Variants in UGT2A2 observed in about 807,000 individuals in gnomAD.
The protein encoded by UGT2A2 is UDP glucuronosyltransferase family 2 member A2.
In UGT2A2, 60 loss-of-function variants were observed where a neutral mutation model predicts 50.7. The observed-to-expected ratio is 1.18, with a 90% CI of 0.96 to 1.47. UGT2A2 has a LOEUF of 1.47. Among genes scored for constraint, UGT2A2 ranks in the 40% most tolerant of loss-of-function variants. UGT2A2 has a pLI of 0.00. For synonymous variants in UGT2A2, 242 were observed against 214.6 expected (o/e 1.13, Z -1.11); for missense variants, 762 against 634.0 (o/e 1.20, Z -2.17).
In UGT2A2 at chr4:69,589,502, T is replaced by C. The variant is rs1189386850; in HGVS notation, c.1481A>G (p.Gln494Arg). Residue 494 changes from glutamine to arginine, a missense_variant, in exon 6 of 6, where the codon CAG becomes CGG. Coordinates refer to ENST00000604629, the MANE Select transcript of UGT2A2 (RefSeq NM_001105677.2). ...CCCAATTACATCCAAAGAGTGGTACTGGAACCAGGTGAGGTCATGGGCTGC... is the reference window on the plus strand; with the variant it reads ...CCCAATTACATCCAAAGAGTGGTACCGGAACCAGGTGAGGTCATGGGCTGC... ...RVAAHDLTWFQYHSLDVIGFL... is the reference protein window; with the variant it reads ...RVAAHDLTWFRYHSLDVIGFL... 6.2e-7 allele frequency: 1 copy of C among 1,614,124 alleles called. No individual in the cohort carries two copies. The highest frequency in any genetic ancestry group is 1.1e-5 in the South Asian group (1 of 91,082).
intron 1 of UGT2A2, among the ~76,000 whole-genome samples, chr4:69,615,741 C>CA (rs1003509536): frequency 6.6e-5 from 10 of 151,768 alleles, no homozygotes; most frequent in South Asian, 4.2e-4. Flanking sequence ...AACAGACAGA[C>CA]AAAAAAACAG....
intron 1 of UGT2A2, among the ~76,000 whole-genome samples, chr4:69,606,500 T>C (rs78556581): frequency 0.18 from 24,306 of 135,404 alleles, 5,738 homozygotes; most frequent in Non-Finnish European, 0.22. Context: ...GTATTCCCTT[T>C]GAAAACTGGC....
chr4:69,597,633 C>A (rs1719009361), intron 2 of UGT2A2, among the ~76,000 whole-genome samples: 1 of 152,166 alleles, frequency 6.6e-6, no homozygotes, highest in South Asian at 2.1e-4. Context: ...TAGTTAATGT[C>A]AGGAGAATAT....
At chr4:69,616,763 C>T (rs990982853) in intron 1 of UGT2A2, among the ~76,000 whole-genome samples, 7 of 151,154 alleles carry the variant, frequency 4.6e-5, no homozygotes, top group African/African-American at 1.7e-4. Context: ...TTAGTTGGAA[C>T]TGTAGCTTCT....
At chr4:69,635,301 G>A (rs182619443) in intron 1 of UGT2A2, among the ~76,000 whole-genome samples, 48 of 152,158 alleles carry the variant, frequency 3.2e-4, no homozygotes, top group Admixed American at 1.0e-3. Flanking sequence ...TTATTACTGG[G>A]CTTTCTGCTC....
chr4:69,594,012 T>C (rs1190005853), intron 5 of UGT2A2, among the ~76,000 whole-genome samples: 2 of 150,920 alleles, frequency 1.3e-5, no homozygotes, highest in Non-Finnish European at 3.0e-5. Context: ...TCTTGCTCTT[T>C]TGCCCAGGCT....
rs533446542 is a variant in UGT2A2, at chr4:69,634,275, C to G, written c.742+4624G>C. Reference sequence around the variant, plus strand: ...TCAAACAAAACAAAACAAAACAAAACAACAACAACAACAAAAACCCACAAC... The same window carrying G: ...TCAAACAAAACAAAACAAAACAAAAGAACAACAACAACAAAAACCCACAAC... On this transcript the variant is annotated intron_variant, in intron 1 of 5. Transcript: ENST00000604629. 3.4e-5 allele frequency among the ~76,000 whole-genome samples: 5 copies of G among 148,898 alleles called. No individual in the cohort carries two copies. The South Asian group carries it at 8.5e-4, about 25-fold the overall frequency.
chr4:69,639,292 A>G lies in UGT2A2; in HGVS notation c.349T>C (p.Tyr117His), dbSNP rs758639661. ...RPTPLTIWAFYKELGKLLDTF... is the reference protein window; with the variant it reads ...RPTPLTIWAFHKELGKLLDTF... ...TCTAGAAGTTTTCCTAGTTCTTTGT[A>G]GAAAGCCCATATTGTGAGAGGAGTT... is the stretch of plus-strand genomic sequence containing the variant. The change falls in exon 1 of 6, where the codon TAC becomes CAC. Residue 117 changes from tyrosine to histidine, a missense_variant. Coordinates refer to ENST00000604629, the MANE Select transcript of UGT2A2 (RefSeq NM_001105677.2). 5.6e-6 allele frequency: 9 copies of G among 1,613,638 alleles called. No individual in the cohort carries two copies. The African/African-American group carries it at 1.1e-4, about 19-fold the overall frequency.
chr4:69,594,530 T>C lies in UGT2A2; in HGVS notation c.1278A>G (p.Thr426=). 1.2e-6 allele frequency: 2 copies of C among 1,614,188 alleles called. No individual in the cohort carries two copies. The highest frequency in any genetic ancestry group is 2.2e-5 in the East Asian group (1 of 44,876). The change falls in exon 5 of 6, where the codon ACA becomes ACG. Residue 426 remains threonine, a synonymous_variant. Transcript: ENST00000604629. The part of the protein sequence containing the change: ...KGAAVEVNLN[T]MTSVDLLSAL... ...CGCTAAGCAAATCCACACTTGTCATTGTGTTTAGGTTCACTTCCACAGCTG... is the reference window on the plus strand; with the variant it reads ...CGCTAAGCAAATCCACACTTGTCATCGTGTTTAGGTTCACTTCCACAGCTG...
chr4:69,609,659 T>G (rs1385914396), intron 1 of UGT2A2, among the ~76,000 whole-genome samples: 1 of 149,590 alleles, frequency 6.7e-6, no homozygotes, highest in Non-Finnish European at 1.5e-5. Context: ...TATTTATACC[T>G]ATACATATTT....
intron 1 of UGT2A2, 58 bp from the exon 2 acceptor site, chr4:69,599,452 A>G: frequency 1.3e-6 from 2 of 1,571,726 alleles, no homozygotes; most frequent in South Asian, 1.2e-5. Flanking sequence ...TGCTGAGGAG[A>G]AAAAAAAGCT....
chr4:69,630,317 C>T (rs191017774), intron 1 of UGT2A2, among the ~76,000 whole-genome samples: 64 of 152,144 alleles, frequency 4.2e-4, no homozygotes, highest in African/African-American at 1.5e-3. Flanking sequence ...CCATTTCCTT[C>T]TTCCCAGATG....
rs1416378380 is a variant in UGT2A2, at chr4:69,614,163, G to T, written c.743-14769C>A. Among the ~76,000 whole-genome samples, 5 of 151,766 alleles carry T rather than the reference G, an allele frequency of 3.3e-5. No homozygotes were observed. In the East Asian group the frequency reaches 9.6e-4, roughly 29 times the overall value. On this transcript the variant is annotated intron_variant, in intron 1 of 5. Coordinates refer to ENST00000604629, the MANE Select transcript of UGT2A2 (RefSeq NM_001105677.2). ...CAAAATCAACATACAAATATCAGTG[G>T]CATTTCTATATGCCAACAGTGAACC...
In UGT2A2 at chr4:69,599,282, T is replaced by G. The variant is rs2109889803; in HGVS notation, c.855A>C (p.Gly285=). ...RPYLPNFEFV[G]GLHCKPAKPL... Reference sequence around the variant, plus strand: ...GTTTGGCAGGTTTGCAGTGCAATCCTCCAACAAACTCAAAATTAGGTAAGT... The same window carrying G: ...GTTTGGCAGGTTTGCAGTGCAATCCGCCAACAAACTCAAAATTAGGTAAGT... The change falls in exon 2 of 6, where the codon GGA becomes GGC. Residue 285 remains glycine (G), a synonymous_variant. Coordinates refer to ENST00000604629, the MANE Select transcript of UGT2A2 (RefSeq NM_001105677.2). The G allele has an allele frequency of 6.2e-7, 1 of 1,613,770 alleles. No homozygotes were observed. Among genetic ancestry groups the G allele is most frequent in the East Asian group, 2.2e-5 (1 of 44,830 alleles).
At chr4:69,605,524 G>C (rs1369671040) in intron 1 of UGT2A2, among the ~76,000 whole-genome samples, 1 of 136,170 alleles carries the variant, frequency 7.3e-6, no homozygotes, top group Non-Finnish European at 1.6e-5. Flanking sequence ...AGAGAAGCAA[G>C]AGCATAACAC....
chr4:69,598,793 C>G (rs4148299), intron 2 of UGT2A2, among the ~76,000 whole-genome samples: 59,232 of 151,758 alleles, frequency 0.39, 11,820 homozygotes, highest in East Asian at 0.56. Context: ...AAGAGCCCTG[C>G]CTTATTTCAT....
chr4:69,599,435 A>G (rs3775782), intron 1 of UGT2A2, 41 bp from the exon 2 acceptor site: 2 of 1,598,776 alleles, frequency 1.3e-6, no homozygotes, highest in African/African-American at 2.7e-5. Context: ...AAATTAGCTT[A>G]TATGTTTGCT....
chr4:69,595,199 A>T lies in UGT2A2; in HGVS notation c.1074T>A (p.Thr358=). 1 of 1,613,848 alleles carries T rather than the reference A, an allele frequency of 6.2e-7. No homozygotes were observed. The part of the protein sequence containing the change: ...GKKPATLGNN[T]QLFDWIPQND... ...TCTGGGGTATCCAATCAAAGAGCTG[A>T]GTATTGTTTCCTAATGTGGCTGGTT... is the stretch of plus-strand genomic sequence containing the variant. Residue 358 remains threonine, a synonymous_variant, in exon 4 of 6, where the codon ACT becomes ACA. Coordinates refer to ENST00000604629, the MANE Select transcript of UGT2A2 (RefSeq NM_001105677.2).
intron 1 of UGT2A2, among the ~76,000 whole-genome samples, chr4:69,623,218 G>A (rs1406267148): frequency 6.6e-6 from 1 of 151,766 alleles, no homozygotes; most frequent in Non-Finnish European, 1.5e-5. Context: ...TAGTAATTGT[G>A]ATTGTACTGC....
Sources: gnomAD v4.1 joint callset for allele counts (sites outside exome capture counted in the v4.1 genomes callset) on GRCh38, gnomAD v4.1.1 for gene constraint, MANE v1.5 for transcripts, NCBI Gene and HGNC (gene_info 2026-07-23, HGNC 2026-07-21) for gene names.